Variants in NBEA observed in about 807,000 individuals in gnomAD.
The protein encoded by NBEA is lysosomal-trafficking regulator 2.
In NBEA, 44 loss-of-function variants were observed where a neutral mutation model predicts 343.4. The observed-to-expected ratio is 0.13, with a 90% CI of 0.10 to 0.16. The LOEUF is 0.16. NBEA is among the 10% of genes least tolerant of loss of function. The probability of loss-of-function intolerance (pLI) is 1.00; values close to 1 mark genes in which losing one functional copy is unlikely to be tolerated. For missense variants in NBEA, 2,555 were observed against 3,631.3 expected (o/e 0.70, Z 7.62); for synonymous variants, 1,175 against 1,238.7 (o/e 0.95, Z 1.08).
chr13:35,254,548 C>T (rs1268898033), intron 34 of NBEA, among the ~76,000 whole-genome samples: 1 of 151,928 alleles, frequency 6.6e-6, no homozygotes, highest in Non-Finnish European at 1.5e-5. Flanking sequence ...TCTTGAATTC[C>T]TGGGCTCAAG....
At chr13:35,120,348 C>G (rs1416379040) in intron 16 of NBEA, among the ~76,000 whole-genome samples, 1 of 152,026 alleles carries the variant, frequency 6.6e-6, no homozygotes, top group Admixed American at 6.6e-5. Context: ...AGATTGTTAC[C>G]CGTATGTTAA....
At chr13:35,390,618 C>G (rs1034920440) in intron 38 of NBEA, among the ~76,000 whole-genome samples, 2 of 152,066 alleles carry the variant, frequency 1.3e-5, no homozygotes, top group Non-Finnish European at 2.9e-5. Context: ...AATGGGGAAA[C>G]TTAAATAATG....
intron 1 of NBEA, among the ~76,000 whole-genome samples, chr13:34,984,712 G>C (rs747611184): frequency 4.6e-5 from 7 of 150,762 alleles, no homozygotes; most frequent in Non-Finnish European, 1.0e-4. Context: ...CTTTTATTTC[G>C]TTGAGCAGTG....
intron 34 of NBEA, chr13:35,251,543 C>A: frequency 8.6e-7 from 1 of 1,164,332 alleles, no homozygotes; most frequent in Non-Finnish European, 1.1e-6. Flanking sequence ...GACGTCATGT[C>A]CTTGATGCAT....
intron 40 of NBEA, among the ~76,000 whole-genome samples, chr13:35,460,658 C>G (rs1566166227): frequency 6.6e-6 from 1 of 152,104 alleles, no homozygotes; most frequent in Non-Finnish European, 1.5e-5. Flanking sequence ...ATTCCATCAT[C>G]TATGAAACAC....
intron 34 of NBEA, among the ~76,000 whole-genome samples, chr13:35,237,625 T>A (rs1469208459): frequency 6.6e-6 from 1 of 152,198 alleles, no homozygotes; most frequent in Non-Finnish European, 1.5e-5. Flanking sequence ...TAAATCTCAC[T>A]GCATTTCAAT....
intron 49 of NBEA, among the ~76,000 whole-genome samples, chr13:35,637,162 C>A (rs1026109848): frequency 2.6e-5 from 4 of 152,162 alleles, no homozygotes; most frequent in Admixed American, 1.3e-4. Flanking sequence ...AATGAAGACT[C>A]CAAAGAAGAC....
chr13:35,500,746 G>T, intron 41 of NBEA, among the ~76,000 whole-genome samples: 3 of 141,040 alleles, frequency 2.1e-5, no homozygotes, highest in Admixed American at 7.2e-5. Flanking sequence ...CATAATTGTT[G>T]GTTCTGTAAA....
intron 1 of NBEA, among the ~76,000 whole-genome samples, chr13:35,014,265 T>G (rs2061578633): frequency 6.6e-6 from 1 of 152,334 alleles, no homozygotes; most frequent in Middle Eastern, 3.4e-3. Context: ...ATCTTCTCTT[T>G]TTCCTTTACC....
intron 49 of NBEA, among the ~76,000 whole-genome samples, chr13:35,637,389 T>C (rs1355488523): frequency 6.6e-6 from 1 of 152,130 alleles, no homozygotes; most frequent in African/African-American, 2.4e-5. Context: ...AAAAACAATA[T>C]GGCAATCGTT....
intron 37 of NBEA, among the ~76,000 whole-genome samples, chr13:35,351,553 C>A (rs1265905695): frequency 6.6e-6 from 1 of 151,866 alleles, no homozygotes; most frequent in Non-Finnish European, 1.5e-5. Context: ...TCTCATGAAA[C>A]CCTTTGAACA....
intron 34 of NBEA, among the ~76,000 whole-genome samples, chr13:35,237,953 C>T (rs1428330356): frequency 6.6e-6 from 1 of 152,008 alleles, no homozygotes; most frequent in Non-Finnish European, 1.5e-5. Context: ...TGTAGTTCAC[C>T]TTTTAAGACC....
At chr13:35,428,236 G>A (rs1237275926) in intron 38 of NBEA, among the ~76,000 whole-genome samples, 1 of 152,140 alleles carries the variant, frequency 6.6e-6, no homozygotes, top group East Asian at 1.9e-4. Context: ...CACGCTGGGA[G>A]CTGTAGACCG....
intron 12 of NBEA, 87 bp downstream of exon 12, chr13:35,109,529 T>G (rs1335475397): frequency 2.2e-5 from 27 of 1,238,560 alleles, no homozygotes; most frequent in Admixed American, 3.5e-5. Flanking sequence ...GGAAAACATT[T>G]GAACATTTTA....
At chr13:35,186,506 T>C (rs2071715758) in intron 30 of NBEA, 1 of 152,198 alleles carries the variant, frequency 6.6e-6, no homozygotes, top group African/African-American at 2.4e-5. Flanking sequence ...ATTTTAACTA[T>C]ACAAAATGTA....
At chr13:35,035,114 TTGTC>T (rs1391760498) in intron 1 of NBEA, among the ~76,000 whole-genome samples, 2 of 151,880 alleles carry the variant, frequency 1.3e-5, no homozygotes, top group African/African-American at 4.8e-5. Flanking sequence ...CAGCATTTGA[TTGTC>T]TGTTTGATAT....
intron 47 of NBEA, among the ~76,000 whole-genome samples, chr13:35,599,999 G>A (rs1243078518): frequency 6.6e-6 from 1 of 152,144 alleles, no homozygotes; most frequent in Admixed American, 6.5e-5. Context: ...ATGATTAAGT[G>A]TAAAGTTTGT....
At chr13:35,148,887 CTG>C (rs1033325207) in intron 18 of NBEA, among the ~76,000 whole-genome samples, 13 of 152,280 alleles carry the variant, frequency 8.5e-5, no homozygotes, top group African/African-American at 3.1e-4. Context: ...ACCAGTAAAA[CTG>C]TATTACAGAA....
intron 39 of NBEA, among the ~76,000 whole-genome samples, chr13:35,437,010 G>A (rs145245345): frequency 9.3e-4 from 142 of 152,184 alleles, no homozygotes; most frequent in South Asian, 4.6e-3. Context: ...CATTGATTTC[G>A]TCTTATCTAT....
Sources: allele counts gnomAD v4.1 joint callset (sites outside exome capture counted in the v4.1 genomes callset), GRCh38; gene constraint gnomAD v4.1.1; transcripts MANE v1.5; gene names NCBI Gene and HGNC (gene_info 2026-07-23, HGNC 2026-07-21).